Variants in CNTNAP5 observed in about 807,000 individuals in gnomAD.
CNTNAP5 encodes contactin associated protein family member 5, also known as contactin-associated protein-like 5.
In CNTNAP5, 72 loss-of-function variants were observed where a neutral mutation model predicts 150.2. The ratio of observed to expected loss-of-function variants is 0.48; its 90% CI spans 0.40 to 0.58. CNTNAP5 has a LOEUF of 0.58. Ranked by LOEUF, CNTNAP5 falls within the 20% of genes least tolerant of loss-of-function variation. The pLI is 0.00. For synonymous variants in CNTNAP5, 672 were observed against 619.8 expected (o/e 1.08, Z -1.25); for missense variants, 1,636 against 1,626.2 (o/e 1.01, Z -0.10).
chr2:124,904,955 T>C (rs145354406), intron 22 of CNTNAP5, among the ~76,000 whole-genome samples: 17 of 149,420 alleles, frequency 1.1e-4, no homozygotes, highest in African/African-American at 2.7e-4. Flanking sequence ...ATCTACAGAA[T>C]TGGAAAAAGA....
chr2:124,812,068 T>A (rs868851046), intron 19 of CNTNAP5, among the ~76,000 whole-genome samples: 1 of 6,956 alleles, frequency 1.4e-4, no homozygotes, highest in African/African-American at 3.0e-4. Flanking sequence ...ATATAATATA[T>A]AATTTATATT....
At chr2:124,889,688 A>G (rs1271088826) in intron 21 of CNTNAP5, among the ~76,000 whole-genome samples, 1 of 152,134 alleles carries the variant, frequency 6.6e-6, no homozygotes, top group Non-Finnish European at 1.5e-5. Flanking sequence ...ATGCAAACAC[A>G]CTTCTTGTCT....
At chr2:124,262,651 GT>G (rs576536938) in intron 3 of CNTNAP5, among the ~76,000 whole-genome samples, 9,254 of 141,850 alleles carry the variant, frequency 0.065, 832 homozygotes, top group African/African-American at 0.21. Flanking sequence ...ACAGCATTCT[GT>G]TTTTTTTTTT....
intron 3 of CNTNAP5, among the ~76,000 whole-genome samples, chr2:124,299,199 T>C (rs1688512879): frequency 6.6e-6 from 1 of 152,154 alleles, no homozygotes; most frequent in Non-Finnish European, 1.5e-5. Flanking sequence ...CCCACTGCAA[T>C]TGGTGCATAT....
At chr2:124,659,008 C>G (rs1159543887) in intron 13 of CNTNAP5, among the ~76,000 whole-genome samples, 2 of 152,160 alleles carry the variant, frequency 1.3e-5, no homozygotes, top group Non-Finnish European at 2.9e-5. Context: ...TGCTTTGGTT[C>G]AAGCACTTGC....
At chr2:124,084,470 C>A (rs2104678523) in intron 1 of CNTNAP5, among the ~76,000 whole-genome samples, 1 of 152,050 alleles carries the variant, frequency 6.6e-6, no homozygotes, top group South Asian at 2.1e-4. Flanking sequence ...TTTGTTTCAT[C>A]ATGTTGCCTG....
At chr2:124,533,263 G>A (rs890213957) in intron 10 of CNTNAP5, among the ~76,000 whole-genome samples, 1 of 152,056 alleles carries the variant, frequency 6.6e-6, no homozygotes, top group East Asian at 1.9e-4. Flanking sequence ...TGGAGATCCT[G>A]CATTTGCAGA....
chr2:124,440,912 T>A (rs1214650836), intron 5 of CNTNAP5, among the ~76,000 whole-genome samples: 1 of 152,124 alleles, frequency 6.6e-6, no homozygotes, highest in African/African-American at 2.4e-5. Flanking sequence ...GCCACTGAGA[T>A]AAAACTTAAA....
chr2:124,053,609 C>A (rs1393688512), intron 1 of CNTNAP5, among the ~76,000 whole-genome samples: 1 of 152,126 alleles, frequency 6.6e-6, no homozygotes, highest in African/African-American at 2.4e-5. Flanking sequence ...ATGGCAATAA[C>A]GTATGTCACA....
In CNTNAP5 at chr2:124,592,930, A is replaced by T. The variant is rs62173966; in HGVS notation, c.1757-16871A>T. On this transcript the variant is annotated intron_variant, in intron 11 of 23. Coordinates refer to ENST00000682447, the MANE Select transcript of CNTNAP5 (RefSeq NM_001367498.1). The stretch of plus-strand genomic sequence containing the variant: ...TTTTTTGTTTATTGTATCTTTTGCC[A>T]TTCAAAAATGTTTGTTTATTTTTTT... Among the ~76,000 whole-genome samples the T allele has an allele frequency of 1.7e-3, 261 of 151,908 alleles. 1 individual carries two copies. Among genetic ancestry groups the T allele is most frequent in the South Asian group, 3.3e-3 (16 of 4,824 alleles).
At chr2:124,785,439 T>C (rs1382501412) in intron 17 of CNTNAP5, among the ~76,000 whole-genome samples, 2 of 152,218 alleles carry the variant, frequency 1.3e-5, no homozygotes, top group African/African-American at 2.4e-5. Context: ...ATAATTAAAA[T>C]GAGGAAATGA....
chr2:124,817,516 T>C (rs1447158087), intron 19 of CNTNAP5, among the ~76,000 whole-genome samples: 2 of 152,114 alleles, frequency 1.3e-5, no homozygotes, highest in African/African-American at 4.8e-5. Context: ...TACCATGAGG[T>C]TGGTCTTGAT....
chr2:124,646,929 C>A (rs1225479930), intron 12 of CNTNAP5, among the ~76,000 whole-genome samples: 1 of 152,140 alleles, frequency 6.6e-6, no homozygotes, highest in Admixed American at 6.5e-5. Flanking sequence ...GTTATGATCA[C>A]CCTACTGCAC....
At chr2:124,104,365 C>T (rs533311339) in intron 1 of CNTNAP5, among the ~76,000 whole-genome samples, 23 of 151,758 alleles carry the variant, frequency 1.5e-4, no homozygotes, top group African/African-American at 5.1e-4. Flanking sequence ...TTTTTTTCTC[C>T]TCTATTTTTT....
At chr2:124,410,476 G>A (rs2104768791) in intron 3 of CNTNAP5, among the ~76,000 whole-genome samples, 1 of 146,340 alleles carries the variant, frequency 6.8e-6, no homozygotes, top group East Asian at 2.0e-4. Context: ...CACATACTTG[G>A]AAGTAAAGCT....
intron 6 of CNTNAP5, among the ~76,000 whole-genome samples, chr2:124,457,690 T>A (rs1170723401): frequency 2.0e-5 from 3 of 152,040 alleles, no homozygotes; most frequent in South Asian, 4.1e-4. Flanking sequence ...ATCTTCCTTT[T>A]ATTTTTTAAA....
At chr2:124,640,997 A>G (rs1678079821) in intron 12 of CNTNAP5, among the ~76,000 whole-genome samples, 1 of 151,920 alleles carries the variant, frequency 6.6e-6, no homozygotes, top group African/African-American at 2.4e-5. Context: ...GTGGTGGCGC[A>G]TGACTGTAAT....
At chr2:124,400,535 A>AGAGT (rs1691379564) in intron 3 of CNTNAP5, among the ~76,000 whole-genome samples, 3 of 152,102 alleles carry the variant, frequency 2.0e-5, no homozygotes, top group Non-Finnish European at 2.9e-5. Context: ...CCTTGCTGCA[A>AGAGT]TATCACTCCT....
chr2:124,532,453 A>G (rs1695132202), intron 10 of CNTNAP5, among the ~76,000 whole-genome samples: 1 of 152,158 alleles, frequency 6.6e-6, no homozygotes. Flanking sequence ...AGCCATGTCC[A>G]GTCCTGTGAG....
Sources: allele counts gnomAD v4.1 joint callset (sites outside exome capture counted in the v4.1 genomes callset), GRCh38; gene constraint gnomAD v4.1.1; transcripts MANE v1.5; gene names NCBI Gene and HGNC (gene_info 2026-07-23, HGNC 2026-07-21).